METTL15: variants seen among roughly 807,000 people sequenced by gnomAD.
METTL15 encodes the protein 12S rRNA N(4)-cytidine methyltransferase METTL15.
A neutral mutation model predicts 38.3 loss-of-function variants in METTL15; 34 were observed. That is an observed-to-expected ratio of 0.89 (90% CI 0.68 to 1.18). METTL15 has a LOEUF of 1.18. Ranked by LOEUF, METTL15 falls within the 50% of genes most tolerant of loss-of-function variation. METTL15 has a pLI of 0.00. For synonymous variants in METTL15, 162 were observed against 170.9 expected, an observed-to-expected ratio of 0.95 and a Z score of 0.41; for missense variants, 438 against 498.4, an observed-to-expected ratio of 0.88 and a Z score of 1.15.
chr11:28,391,518 G>A (rs185947568), intron 5 of METTL15, among the ~76,000 whole-genome samples: 2 of 152,226 alleles, frequency 1.3e-5, no homozygotes, highest in Non-Finnish European at 2.9e-5. Flanking sequence ...TCAATCCTAA[G>A]CCAAAAGAAC....
At chr11:28,126,795 G>A (rs1852508009) in intron 3 of METTL15, among the ~76,000 whole-genome samples, 1 of 152,060 alleles carries the variant, frequency 6.6e-6, no homozygotes, top group Non-Finnish European at 1.5e-5. Flanking sequence ...GGTTGAAATG[G>A]GCATTTATCA....
intron 6 of METTL15, among the ~76,000 whole-genome samples, chr11:28,321,376 G>A (rs749559194): frequency 6.6e-6 from 1 of 152,148 alleles, no homozygotes; most frequent in Non-Finnish European, 1.5e-5. Flanking sequence ...CTGAAGGTCA[G>A]TGACATTTCC....
At chr11:28,375,716 A>T (rs1483912705) in intron 5 of METTL15, among the ~76,000 whole-genome samples, 1 of 151,878 alleles carries the variant, frequency 6.6e-6, no homozygotes, top group African/African-American at 2.4e-5. Context: ...TAGCTTTTGA[A>T]TGTGTGTGCT....
At chr11:28,366,216 C>A (rs548820472) in intron 5 of METTL15, among the ~76,000 whole-genome samples, 2 of 151,622 alleles carry the variant, frequency 1.3e-5, no homozygotes, top group Non-Finnish European at 2.9e-5. Context: ...TTATTAAGAA[C>A]AGGAGCAACT....
At chr11:28,512,672 C>T (rs1851685707) in intron 6 of METTL15, among the ~76,000 whole-genome samples, 3 of 152,226 alleles carry the variant, frequency 2.0e-5, no homozygotes, top group Admixed American at 6.5e-5. Context: ...CCAGCTGGCC[C>T]GTAAGTGCCA....
intron 4 of METTL15, among the ~76,000 whole-genome samples, chr11:28,220,218 G>T (rs1418194614): frequency 6.6e-6 from 1 of 152,118 alleles, no homozygotes; most frequent in Non-Finnish European, 1.5e-5. Flanking sequence ...AGGTCTCTGA[G>T]GACTTGCTTT....
intron 3 of METTL15, among the ~76,000 whole-genome samples, chr11:28,133,685 G>T (rs1849414563): frequency 4.6e-5 from 7 of 152,066 alleles, no homozygotes; most frequent in Admixed American, 4.6e-4. Flanking sequence ...CCCATGGAGA[G>T]GCCTATGTAG....
chr11:28,235,370 G>T, intron 4 of METTL15, among the ~76,000 whole-genome samples: 1 of 151,792 alleles, frequency 6.6e-6, no homozygotes, highest in East Asian at 1.9e-4. Flanking sequence ...GATGGGGATG[G>T]CATTGAATCT....
chr11:28,352,523 T>C (rs1463041199), intron 4 of METTL15, among the ~76,000 whole-genome samples: 2 of 152,324 alleles, frequency 1.3e-5, no homozygotes, highest in South Asian at 2.1e-4. Context: ...CAAAATTTAA[T>C]GCAGACATTT....
intron 4 of METTL15, among the ~76,000 whole-genome samples, chr11:28,278,515 T>C (rs536697761): frequency 6.6e-6 from 1 of 152,304 alleles, no homozygotes; most frequent in East Asian, 1.9e-4. Flanking sequence ...ATATTTCTTT[T>C]AGTATCAGAT....
At chr11:28,199,959 G>A (rs905233176) in intron 3 of METTL15, among the ~76,000 whole-genome samples, 18 of 151,976 alleles carry the variant, frequency 1.2e-4, no homozygotes, top group African/African-American at 3.9e-4. Flanking sequence ...GGTCAGGCTG[G>A]TCTCGAACTC....
intron 3 of METTL15, among the ~76,000 whole-genome samples, chr11:28,202,929 C>T (rs934995816): frequency 2.6e-5 from 4 of 151,928 alleles, no homozygotes; most frequent in East Asian, 3.9e-4. Flanking sequence ...TGTTCATTTT[C>T]GACAGTGTTG....
At chr11:28,245,819 G>A (rs1291250056) in intron 4 of METTL15, among the ~76,000 whole-genome samples, 2 of 152,060 alleles carry the variant, frequency 1.3e-5, no homozygotes, top group Non-Finnish European at 2.9e-5. Context: ...AGGAGAGAGT[G>A]AAGAGGGAAG....
At chr11:28,324,318 G>C (rs1849563943) in intron 6 of METTL15, among the ~76,000 whole-genome samples, 1 of 152,132 alleles carries the variant, frequency 6.6e-6, no homozygotes, top group Non-Finnish European at 1.5e-5. Context: ...AAATTTCCAA[G>C]TTTTACCATT....
chr11:28,511,808 G>T (rs894907103), intron 6 of METTL15, among the ~76,000 whole-genome samples: 3 of 152,194 alleles, frequency 2.0e-5, no homozygotes, highest in African/African-American at 7.2e-5. Flanking sequence ...AGCTTCCACA[G>T]TGTGGAAGGG....
chr11:28,283,719 GT>G (rs1223523146), intron 4 of METTL15, among the ~76,000 whole-genome samples: 2 of 152,160 alleles, frequency 1.3e-5, no homozygotes, highest in Non-Finnish European at 1.5e-5. Flanking sequence ...CCAAGGTATT[GT>G]TTGCATTCTA....
intron 6 of METTL15, among the ~76,000 whole-genome samples, chr11:28,504,329 G>A (rs995266829): frequency 9.2e-5 from 14 of 152,050 alleles, no homozygotes; most frequent in Non-Finnish European, 1.8e-4. Context: ...AGTAGGGCTG[G>A]GGCAAACTAC....
At chr11:28,300,300 C>T (rs2134007733) in intron 6 of METTL15, among the ~76,000 whole-genome samples, 1 of 152,242 alleles carries the variant, frequency 6.6e-6, no homozygotes, top group African/African-American at 2.4e-5. Flanking sequence ...ATATGCAGCA[C>T]AGTTCCAGAC....
intron 4 of METTL15, among the ~76,000 whole-genome samples, chr11:28,277,474 G>T (rs1056326117): frequency 2.0e-5 from 3 of 152,116 alleles, no homozygotes; most frequent in African/African-American, 7.2e-5. Context: ...GAAGCGGGCA[G>T]ATTACCTGAG....
Sources: allele counts gnomAD v4.1 joint callset (sites outside exome capture counted in the v4.1 genomes callset), GRCh38; gene constraint gnomAD v4.1.1; transcripts MANE v1.5; gene names NCBI Gene and HGNC (gene_info 2026-07-23, HGNC 2026-07-21).